The following CLEC4A variants were observed in gnomAD, a reference collection of about 807,000 sequenced individuals.
CLEC4A encodes C-type (calcium dependent, carbohydrate-recognition domain) lectin, superfamily member 6.
Under a neutral mutation model 32.7 loss-of-function variants are expected in CLEC4A, and 27 were observed. The ratio of observed to expected loss-of-function variants is 0.83; its 90% CI spans 0.61 to 1.14. CLEC4A has a LOEUF of 1.14. Among genes scored for constraint, CLEC4A ranks in the 50% most tolerant of loss-of-function variants. The probability of loss-of-function intolerance (pLI) is 0.00; values close to 1 mark genes in which losing one functional copy is unlikely to be tolerated. For missense variants in CLEC4A, 253 were observed against 274.6 expected (o/e 0.92, Z 0.55); for synonymous variants, 89 against 93.7 (o/e 0.95, Z 0.29).
In CLEC4A at chr12:8,135,463, T is replaced by A. The variant is rs1241950432; in HGVS notation, c.299-122T>A. The A allele has an allele frequency of 4.6e-5, 44 of 951,440 alleles. No homozygotes were observed. The Middle Eastern group carries it at 1.0e-3, about 22-fold the overall frequency. The allele number at this position is 951,440 out of a possible 1,614,324, so 58.9% of individuals were successfully genotyped here. Reference sequence around the variant, plus strand: ...TGAGGGGCAGGGGCTCCTGGTTGCATCTGAGTGTGGAGGGGAGTTCCAGCT... The same window carrying A: ...TGAGGGGCAGGGGCTCCTGGTTGCAACTGAGTGTGGAGGGGAGTTCCAGCT... On this transcript the variant is annotated intron_variant, in intron 3 of 5. Transcript: ENST00000229332.
rs1370396936 is a variant in CLEC4A, at chr12:8,136,783, C to G, written c.451-5C>G. 1.3e-6 allele frequency: 2 copies of G among 1,589,080 alleles called. No individual in the cohort carries two copies. Among genetic ancestry groups the G allele is most frequent in the Non-Finnish European group, 8.6e-7 (1 of 1,157,452 alleles). On this transcript the variant is annotated splice_region_variant and splice_polypyrimidine_tract_variant and intron_variant, in intron 4 of 5. Transcript: ENST00000229332. ...AGGCTGTGACTCCTTCTTTTCCCCC[C>G]TCAGGATTTCATCTTCCAGAATCTG... is the stretch of plus-strand genomic sequence containing the variant.
chr12:8,117,987 G>GT, the CLEC4A span, among the ~76,000 whole-genome samples: 1 of 152,006 alleles, frequency 6.6e-6, no homozygotes, highest in African/African-American at 2.4e-5. Context: ...GAGCATCTGT[G>GT]ATTGGTGCTT....
At chr12:8,118,761 C>G (rs1476556440), upstream of CLEC4A, among the ~76,000 whole-genome samples, 1 of 152,174 alleles carries the variant, frequency 6.6e-6, no homozygotes, top group African/African-American at 2.4e-5. Flanking sequence ...AGATCCAAAC[C>G]ACATCATCAT....
At chr12:8,125,378 T>C (rs1342817906) in intron 1 of CLEC4A, among the ~76,000 whole-genome samples, 183 bp from the exon 2 acceptor site, 1 of 152,228 alleles carries the variant, frequency 6.6e-6, no homozygotes, top group Non-Finnish European at 1.5e-5. Flanking sequence ...CTTTTATGTA[T>C]TTTTTAAAGT....
At chr12:8,105,138 T>C in the CLEC4A span, among the ~76,000 whole-genome samples, 1 of 152,176 alleles carries the variant, frequency 6.6e-6, no homozygotes, top group East Asian at 1.9e-4. Flanking sequence ...TTCTAAGTTC[T>C]TTGAGAAATC....
upstream of CLEC4A, among the ~76,000 whole-genome samples, chr12:8,119,178 A>C (rs1423389099): frequency 6.6e-6 from 1 of 152,212 alleles, no homozygotes; most frequent in African/African-American, 2.4e-5. Context: ...TGCTGCAAAA[A>C]TGGTCTTAGT....
chr12:8,135,063 T>A (rs1948088718), intron 3 of CLEC4A, among the ~76,000 whole-genome samples: 1 of 100,768 alleles, frequency 9.9e-6, no homozygotes, highest in Non-Finnish European at 2.1e-5. Flanking sequence ...TTTTTTTTTT[T>A]TTTTTTGAGA....
At chr12:8,121,182 T>G (rs1468443707), upstream of CLEC4A, 2 of 152,248 alleles carry the variant, frequency 1.3e-5, no homozygotes. Context: ...GTAATCCAGT[T>G]ATAATGTGAC....
chr12:8,136,738 G>GT (rs1186535989), intron 4 of CLEC4A, 50 bp from the exon 5 acceptor site: 2 of 1,171,746 alleles, frequency 1.7e-6, no homozygotes, highest in African/African-American at 3.0e-5. Flanking sequence ...TAAGAATTCA[G>GT]TTTAAGCTGA....
chr12:8,121,018 G>A (rs1947826439), upstream of CLEC4A: 1 of 152,206 alleles, frequency 6.6e-6, no homozygotes, highest in Non-Finnish European at 1.5e-5. Context: ...GCTATTCTGT[G>A]ATCTCAGCTT....
At chr12:8,114,267 T>C in the CLEC4A span, among the ~76,000 whole-genome samples, 5 of 152,056 alleles carry the variant, frequency 3.3e-5, no homozygotes, top group Admixed American at 6.5e-5. Context: ...TTTTCTGAGA[T>C]GGAGTCTTGC....
the CLEC4A span, among the ~76,000 whole-genome samples, chr12:8,104,562 CT>C: frequency 6.6e-6 from 1 of 152,132 alleles, no homozygotes; most frequent in Admixed American, 6.6e-5. Context: ...TTCCCTGCAC[CT>C]TTTCTTTCTT....
intron 3 of CLEC4A, among the ~76,000 whole-genome samples, chr12:8,135,126 T>G (rs1242993457): frequency 7.6e-6 from 1 of 131,698 alleles, no homozygotes; most frequent in Non-Finnish European, 1.6e-5. Flanking sequence ...GATCAAGCGA[T>G]TCTTCTGCCT....
At chr12:8,104,370 A>G in the CLEC4A span, among the ~76,000 whole-genome samples, 1 of 152,222 alleles carries the variant, frequency 6.6e-6, no homozygotes, top group African/African-American at 2.4e-5. Context: ...ATGGCAAACA[A>G]GTACTTTATG....
chr12:8,123,651 G>A lies in CLEC4A; in HGVS notation c.-228G>A. 6.0e-6 allele frequency: 3 copies of A among 498,638 alleles called. No individual in the cohort carries two copies. Among genetic ancestry groups the A allele is most frequent in the South Asian group, 5.1e-5 (2 of 39,290 alleles). 30.9% of individuals were successfully genotyped at this position (498,638 alleles called of 1,614,324 possible). A position where few individuals can be genotyped will look rare whatever the true frequency, so the allele number is the denominator to read the frequency against. On this transcript the variant is annotated 5_prime_UTR_variant, in exon 1 of 6. Coordinates refer to ENST00000229332, the MANE Select transcript of CLEC4A (RefSeq NM_016184.4). ...TCAAGGCTGTGATTCTCACTATACT[G>A]GTCCTGAGGAAAGGGCTTCTGTGAA... is the stretch of plus-strand genomic sequence containing the variant.
the CLEC4A span, among the ~76,000 whole-genome samples, chr12:8,112,123 C>G: frequency 6.6e-6 from 1 of 152,048 alleles, no homozygotes; most frequent in Non-Finnish European, 1.5e-5. Flanking sequence ...CATGCACCAC[C>G]ATGCCCGTCT....
intron 4 of CLEC4A, 72 bp downstream of exon 4, chr12:8,135,808 G>A: frequency 6.6e-7 from 1 of 1,510,826 alleles, no homozygotes; most frequent in Non-Finnish European, 9.0e-7. Context: ...TAAGAAGGAG[G>A]TTTTTGTTAC....
In CLEC4A at chr12:8,133,970, C is replaced by T. The variant is rs762746149; in HGVS notation, c.299-1615C>T. On this transcript the variant is annotated intron_variant, in intron 3 of 5. Coordinates refer to ENST00000229332, the MANE Select transcript of CLEC4A (RefSeq NM_016184.4). ...AGACCCAACAGCCTCAAAATCCTCT[C>T]GTTGTGCATAGCCACTGCTTGATCG... 4.1e-4 allele frequency: 666 copies of T among 1,608,594 alleles called. 2 individuals carry two copies. The highest frequency in any genetic ancestry group is 1.8e-3 in the East Asian group (82 of 44,720).
At position 8,138,303 on chromosome 12, in the gene CLEC4A, T is replaced by C; in HGVS notation, c.*16T>C. 2 of 1,613,932 alleles carry C rather than the reference T, an allele frequency of 1.2e-6. No homozygotes were observed. The highest frequency in any genetic ancestry group is 1.1e-5 in the South Asian group (1 of 91,058). On this transcript the variant is annotated 3_prime_UTR_variant, in exon 6 of 6. Coordinates refer to ENST00000229332, the MANE Select transcript of CLEC4A (RefSeq NM_016184.4). ...CCACTTATGAACTGAACATTCTCCA[T>C]GAACAGGTGGTTGGATTGGTATCTG... is the stretch of plus-strand genomic sequence containing the variant.
Sources: allele counts gnomAD v4.1 joint callset (sites outside exome capture counted in the v4.1 genomes callset), GRCh38; gene constraint gnomAD v4.1.1; transcripts MANE v1.5; gene names NCBI Gene and HGNC (gene_info 2026-07-23, HGNC 2026-07-21).